EFCAB8: variants seen among roughly 807,000 people sequenced by gnomAD.
EFCAB8 encodes the protein EF-hand calcium binding domain 8, also known as EF-hand calcium-binding domain-containing protein 8.
EFCAB8 carries 100 observed loss-of-function variants against 116.3 expected under a neutral mutation model. The ratio of observed to expected loss-of-function variants is 0.86; its 90% CI spans 0.73 to 1.02. The LOEUF (loss-of-function observed/expected upper bound fraction) is 1.02. Among genes scored for constraint, EFCAB8 ranks in the 50% least tolerant of loss-of-function variants. The probability of loss-of-function intolerance (pLI) is 0.00; values close to 1 mark genes in which losing one functional copy is unlikely to be tolerated. For missense variants in EFCAB8, 1,320 were observed against 1,416.9 expected (o/e 0.93, Z 1.10); for synonymous variants, 558 against 567.9 (o/e 0.98, Z 0.25).
In EFCAB8 at chr20:32,867,705, A is replaced by C. The variant is rs1244161997; in HGVS notation, c.166A>C (p.Lys56Gln). The change falls in exon 3 of 27, where the codon AAG becomes CAG. Residue 56 changes from lysine to glutamine, a missense_variant. Lys to Gln is a moderately conservative substitution (Grantham distance 53). Transcript: ENST00000400522. The stretch of plus-strand genomic sequence containing the variant: ...GCTGTTTACTGAGATACACCTGGCC[A>C]AGATAGAGAAAATGTTTGAGGAGGA... ...SQLFTEIHLA[K>Q]IEKMFEEDIN... 6.4e-7 allele frequency: 1 copy of C among 1,551,714 alleles called. No individual in the cohort carries two copies. The highest frequency in any genetic ancestry group is 2.0e-5 in the Admixed American group (1 of 51,000).
chr20:32,939,203 CCTCTCTCT>C (rs562450932), intron 22 of EFCAB8, among the ~76,000 whole-genome samples: 5 of 51,048 alleles, frequency 9.8e-5, no homozygotes, highest in East Asian at 5.3e-4. Flanking sequence ...TTCTTTCTTT[CCTCTCTCT>C]CTCTCTCTCT....
At chr20:32,919,241 T>C (rs1459983077) in intron 19 of EFCAB8, among the ~76,000 whole-genome samples, 6 of 152,320 alleles carry the variant, frequency 3.9e-5, no homozygotes, top group Admixed American at 3.9e-4. Context: ...GTTCTCGTAG[T>C]CAAAATCTGA....
chr20:32,917,942 G>A (rs79647810), intron 18 of EFCAB8, among the ~76,000 whole-genome samples: 89 of 152,334 alleles, frequency 5.8e-4, no homozygotes, highest in African/African-American at 1.9e-3. Flanking sequence ...CTTAGGGGCC[G>A]CCTCATCCAG....
At chr20:32,916,931 G>A in intron 17 of EFCAB8, 1 of 199,096 alleles carries the variant, frequency 5.0e-6, no homozygotes, top group Non-Finnish European at 1.0e-5. Context: ...TTTAGGGTAG[G>A]ATGAGCATTC....
At chr20:32,859,367 C>T (rs753040397) in intron 1 of EFCAB8, among the ~76,000 whole-genome samples, 1 of 152,150 alleles carries the variant, frequency 6.6e-6, no homozygotes, top group Non-Finnish European at 1.5e-5. Context: ...AAATATCAAC[C>T]GAGTTTTACA....
intron 11 of EFCAB8, among the ~76,000 whole-genome samples, chr20:32,902,934 G>A (rs777166918): frequency 5.9e-5 from 9 of 152,206 alleles, no homozygotes; most frequent in Non-Finnish European, 4.4e-5. Context: ...GCGTCTCCCC[G>A]ACTGTCCCCT....
At chr20:32,861,043 G>C (rs6120005) in intron 1 of EFCAB8, among the ~76,000 whole-genome samples, 1 of 151,948 alleles carries the variant, frequency 6.6e-6, no homozygotes, top group Non-Finnish European at 1.5e-5. Flanking sequence ...GGCCTGCATC[G>C]TGCTTTTCTT....
intron 17 of EFCAB8, among the ~76,000 whole-genome samples, chr20:32,916,301 A>C (rs192452650): frequency 6.6e-6 from 1 of 152,216 alleles, no homozygotes; most frequent in African/African-American, 2.4e-5. Flanking sequence ...TCTATTGCCT[A>C]GGCTGGAGTG....
chr20:32,860,075 C>T (rs191675262), intron 1 of EFCAB8, among the ~76,000 whole-genome samples: 4 of 152,246 alleles, frequency 2.6e-5, no homozygotes, highest in Admixed American at 2.0e-4. Flanking sequence ...GAAGCCAAGG[C>T]GGGCGGAAAG....
chr20:32,945,516 A>G (rs1988565584), intron 23 of EFCAB8, among the ~76,000 whole-genome samples: 1 of 152,012 alleles, frequency 6.6e-6, no homozygotes, highest in Non-Finnish European at 1.5e-5. Flanking sequence ...TTGTTCATGT[A>G]TTGTTTCCCT....
intron 6 of EFCAB8, among the ~76,000 whole-genome samples, chr20:32,886,017 G>A (rs1055688969): frequency 3.9e-5 from 6 of 152,144 alleles, no homozygotes; most frequent in African/African-American, 9.7e-5. Flanking sequence ...CTGTCCCCAC[G>A]TCCTACCGAT....
chr20:32,959,663 G>A (rs1568952746), intron 24 of EFCAB8, 115 bp from the exon 25 acceptor site: 1 of 744,686 alleles, frequency 1.3e-6, no homozygotes, highest in East Asian at 2.7e-5. Context: ...CCTGAGGGAG[G>A]GATGGAAGAT....
intron 22 of EFCAB8, among the ~76,000 whole-genome samples, chr20:32,933,444 A>G (rs1219355931): frequency 1.3e-5 from 2 of 152,220 alleles, no homozygotes; most frequent in Non-Finnish European, 2.9e-5. Context: ...TAACATATCT[A>G]CCACCTCACT....
chr20:32,896,487 T>TAAA lies in EFCAB8; in HGVS notation c.918_920dup (p.Leu306_Asn307insLys). Reference sequence around the variant, plus strand: ...ATCAAAGTTTCCTTGCAGAAACTCTTAAATGAGAAGTCTGCTTTGCATAGA... The same window carrying TAAA: ...ATCAAAGTTTCCTTGCAGAAACTCTTAAAAAATGAGAAGTCTGCTTTGCATAGA... On this transcript the variant is annotated inframe_insertion, in exon 10 of 27. Transcript: ENST00000400522. 1.4e-6 allele frequency: 1 copy of TAAA among 719,066 alleles called. No homozygotes were observed. The highest frequency in any genetic ancestry group is 2.6e-6 in the Non-Finnish European group (1 of 385,194). The allele number at this position is 719,066 out of a possible 1,614,324, so 44.5% of individuals were successfully genotyped here.
chr20:32,930,192 A>C (rs922394608), intron 20 of EFCAB8, among the ~76,000 whole-genome samples: 1 of 152,232 alleles, frequency 6.6e-6, no homozygotes, highest in African/African-American at 2.4e-5. Context: ...AAAAAGACGC[A>C]AAATCCCTGC....
chr20:32,939,159 CTTTCTTT>C (rs1988274221), intron 22 of EFCAB8, among the ~76,000 whole-genome samples: 3 of 84,354 alleles, frequency 3.6e-5, no homozygotes, highest in Non-Finnish European at 7.6e-5. Flanking sequence ...TTCTTTCTTT[CTTTCTTT>C]CTTTCTTTCT....
chr20:32,893,024 A>G (rs1253117502), intron 8 of EFCAB8, 150 bp from the exon 9 acceptor site: 2 of 840,358 alleles, frequency 2.4e-6, no homozygotes, highest in Non-Finnish European at 3.6e-6. Flanking sequence ...TATTTTTAGT[A>G]GAGATGAGGT....
At chr20:32,874,786 G>T (rs899036100) in intron 3 of EFCAB8, among the ~76,000 whole-genome samples, 13 of 151,878 alleles carry the variant, frequency 8.6e-5, no homozygotes, top group African/African-American at 3.1e-4. Context: ...TGGCTCTGTT[G>T]CCCAGGCTGG....
rs1346971577 is a variant in EFCAB8 at position 32,863,820 on chromosome 20, C to A, written c.28C>A (p.Pro10Thr). Residue 10 changes from proline to threonine, a missense_variant, in exon 2 of 27, where the codon CCT becomes ACT. Pro to Thr is a conservative substitution (Grantham distance 38). Transcript: ENST00000400522. ...GTCTTCTGAAGACTTAGCAGAGATC[C>A]CTCAACTCCAAAAGGTAAGAAAGAC... The part of the protein sequence containing the change: MSSEDLAEI[P>T]QLQKLSIPHG... 1.3e-6 allele frequency: 2 copies of A among 1,551,166 alleles called. No individual in the cohort carries two copies. The highest frequency in any genetic ancestry group is 1.7e-4 in the Middle Eastern group (1 of 5,976).
Sources: gnomAD v4.1 joint callset for allele counts (sites outside exome capture counted in the v4.1 genomes callset) on GRCh38, gnomAD v4.1.1 for gene constraint, MANE v1.5 for transcripts, NCBI Gene and HGNC (gene_info 2026-07-23, HGNC 2026-07-21) for gene names.